CSMD3: variants seen among roughly 807,000 people sequenced by gnomAD.
The protein encoded by CSMD3 is CUB and Sushi multiple domains 3.
CSMD3 carries 177 observed loss-of-function variants against 435.2 expected under a neutral mutation model. The observed-to-expected ratio is 0.41, with a 90% CI of 0.36 to 0.46. The LOEUF (loss-of-function observed/expected upper bound fraction) is 0.46. Among genes scored for constraint, CSMD3 ranks in the 20% least tolerant of loss-of-function variants. The pLI is 0.34. For missense variants in CSMD3, 4,265 were observed against 4,504.6 expected (o/e 0.95, Z 1.52); for synonymous variants, 1,656 against 1,520.5 (o/e 1.09, Z -2.07).
intron 22 of CSMD3, among the ~76,000 whole-genome samples, chr8:112,590,882 G>C (rs1048040819): frequency 6.6e-6 from 1 of 151,964 alleles, no homozygotes; most frequent in African/African-American, 2.4e-5. Context: ...TTAAGTTCTT[G>C]ATAACTGATG....
chr8:113,211,971 C>A (rs908255292), intron 3 of CSMD3, among the ~76,000 whole-genome samples: 2 of 152,116 alleles, frequency 1.3e-5, no homozygotes, highest in African/African-American at 4.8e-5. Flanking sequence ...ACTTATTGGG[C>A]AAATTTCCAA....
At chr8:113,117,780 A>C (rs1161518973) in intron 4 of CSMD3, among the ~76,000 whole-genome samples, 1 of 152,242 alleles carries the variant, frequency 6.6e-6, no homozygotes, top group African/African-American at 2.4e-5. Flanking sequence ...ATGGGATCAA[A>C]GGAGATCATC....
intron 2 of CSMD3, chr8:113,310,064 G>A (rs1347197542): frequency 6.6e-6 from 1 of 152,112 alleles, no homozygotes; most frequent in Non-Finnish European, 1.5e-5. Flanking sequence ...AAAGTGATAG[G>A]CCATATCAAA....
intron 10 of CSMD3, among the ~76,000 whole-genome samples, chr8:112,886,527 C>T (rs2081604073): frequency 2.6e-5 from 4 of 151,274 alleles, no homozygotes; most frequent in African/African-American, 9.7e-5. Context: ...TGTGAATTAG[C>T]TGTGCTATCC....
At chr8:112,624,936 T>TTTAG in intron 22 of CSMD3, among the ~76,000 whole-genome samples, 1 of 152,194 alleles carries the variant, frequency 6.6e-6, no homozygotes, top group Non-Finnish European at 1.5e-5. Context: ...GGTATTTATT[T>TTTAG]GTATATTTAT....
intron 3 of CSMD3, among the ~76,000 whole-genome samples, chr8:113,250,536 T>C (rs2093325331): frequency 6.6e-6 from 1 of 152,154 alleles, no homozygotes; most frequent in Non-Finnish European, 1.5e-5. Context: ...GAAACAGATT[T>C]GCATTTTCAA....
intron 27 of CSMD3, among the ~76,000 whole-genome samples, chr8:112,518,200 G>C (rs1259066535): frequency 1.3e-5 from 2 of 151,910 alleles, no homozygotes; most frequent in African/African-American, 4.8e-5. Context: ...TCTTGAAGTG[G>C]CAACATTTTA....
intron 10 of CSMD3, among the ~76,000 whole-genome samples, chr8:112,860,662 A>T (rs566248146): frequency 4.0e-4 from 60 of 151,774 alleles, no homozygotes; most frequent in African/African-American, 1.4e-3. Context: ...TTGATATCTC[A>T]GCAGTAATGC....
At chr8:113,104,587 A>G (rs2090422909) in intron 4 of CSMD3, among the ~76,000 whole-genome samples, 1 of 152,100 alleles carries the variant, frequency 6.6e-6, no homozygotes, top group Non-Finnish European at 1.5e-5. Context: ...ACTGGTAAAT[A>G]ACACTTCAGA....
intron 13 of CSMD3, among the ~76,000 whole-genome samples, chr8:112,796,929 T>G (rs2078843541): frequency 6.6e-6 from 1 of 152,002 alleles, no homozygotes; most frequent in South Asian, 2.1e-4. Context: ...TGGTATACAG[T>G]AATCAGCACA....
chr8:112,408,857 A>T, intron 33 of CSMD3, 62 bp downstream of exon 33: 2 of 1,611,790 alleles, frequency 1.2e-6, no homozygotes, highest in Non-Finnish European at 1.7e-6. Flanking sequence ...CTTTCACTAC[A>T]ATACTAATCA....
At chr8:112,912,327 G>T (rs1234057061) in intron 10 of CSMD3, among the ~76,000 whole-genome samples, 1 of 150,948 alleles carries the variant, frequency 6.6e-6, no homozygotes, top group Non-Finnish European at 1.5e-5. Context: ...TTTTTTTCAG[G>T]AATCTGCATA....
At position 112,656,268 on chromosome 8, in the gene CSMD3, A is replaced by G; in HGVS notation, c.2890T>C (p.Ser964Pro). ...GPNLLSPLLGSYNGTQVPQFL... is the reference protein window; with the variant it reads ...GPNLLSPLLGPYNGTQVPQFL... ...TGGGGCACTTGGGTGCCATTGTAAG[A>G]TCCAAGCAAGGGTGACAGAAGATTT... is the stretch of plus-strand genomic sequence containing the variant. The change falls in exon 18 of 71, where the codon TCT (serine) becomes CCT (proline). Residue 964 changes from serine (S) to proline (P), a missense_variant. Coordinates refer to ENST00000297405, the MANE Select transcript of CSMD3 (RefSeq NM_198123.2). The G allele has an allele frequency of 6.2e-7, 1 of 1,613,370 alleles. No individual in the cohort carries two copies.
intron 6 of CSMD3, among the ~76,000 whole-genome samples, chr8:113,012,227 T>G (rs1181046084): frequency 6.6e-6 from 1 of 151,846 alleles, no homozygotes; most frequent in Admixed American, 6.6e-5. Flanking sequence ...TTTGAGATAA[T>G]AATTTAAATA....
At chr8:112,253,709 G>A (rs1704537296) in intron 63 of CSMD3, among the ~76,000 whole-genome samples, 1 of 151,994 alleles carries the variant, frequency 6.6e-6, no homozygotes, top group Non-Finnish European at 1.5e-5. Flanking sequence ...GACTGGGCAT[G>A]CCAAAGAATT....
intron 30 of CSMD3, among the ~76,000 whole-genome samples, chr8:112,495,988 T>C (rs1246721056): frequency 6.6e-6 from 1 of 151,884 alleles, no homozygotes; most frequent in Non-Finnish European, 1.5e-5. Context: ...CAATAAAGCT[T>C]ACGTCTTAAT....
At chr8:112,373,433 A>T (rs1370379006) in intron 38 of CSMD3, among the ~76,000 whole-genome samples, 4 of 151,726 alleles carry the variant, frequency 2.6e-5, no homozygotes. Flanking sequence ...CACACACACC[A>T]CTCACACGCA....
intron 5 of CSMD3, among the ~76,000 whole-genome samples, chr8:113,049,005 G>A (rs1311580073): frequency 1.3e-5 from 2 of 152,076 alleles, no homozygotes; most frequent in African/African-American, 4.8e-5. Flanking sequence ...TTGGGAGGCC[G>A]AGGCAAGCAG....
intron 29 of CSMD3, among the ~76,000 whole-genome samples, chr8:112,506,205 TCTTTA>T (rs1357118526): frequency 6.6e-6 from 1 of 152,156 alleles, no homozygotes; most frequent in Non-Finnish European, 1.5e-5. Context: ...GTTCAAATTA[TCTTTA>T]CTTAGGAAAA....
Sources: gnomAD v4.1 joint callset for allele counts (sites outside exome capture counted in the v4.1 genomes callset) on GRCh38, gnomAD v4.1.1 for gene constraint, MANE v1.5 for transcripts, NCBI Gene and HGNC (gene_info 2026-07-23, HGNC 2026-07-21) for gene names.